The following DCC variants were observed in gnomAD, a reference collection of about 807,000 sequenced individuals.
DCC encodes the protein DCC netrin 1 receptor.
DCC carries 58 observed loss-of-function variants against 172.5 expected under a neutral mutation model. The ratio of observed to expected loss-of-function variants is 0.34; its 90% CI spans 0.27 to 0.42. The LOEUF (loss-of-function observed/expected upper bound fraction) is 0.42, where lower values mean the gene tolerates loss of function less well. DCC is among the 10% of genes least tolerant of loss of function. The pLI is 1.00. For synonymous variants in DCC, 709 were observed against 644.5 expected (o/e 1.10, Z -1.52); for missense variants, 1,740 against 1,791.0 (o/e 0.97, Z 0.51).
intron 15 of DCC, among the ~76,000 whole-genome samples, chr18:53,378,822 A>C (rs1907504434): frequency 6.6e-6 from 1 of 152,236 alleles, no homozygotes; most frequent in Non-Finnish European, 1.5e-5. Flanking sequence ...TGGTATCTGC[A>C]AGACTGATAA....
chr18:52,694,645 T>C (rs2035983289), intron 1 of DCC, among the ~76,000 whole-genome samples: 1 of 151,984 alleles, frequency 6.6e-6, no homozygotes, highest in Non-Finnish European at 1.5e-5. Flanking sequence ...TTGCTGCAGA[T>C]AAAGGGACCA....
At chr18:52,595,635 A>T (rs1218672016) in intron 1 of DCC, among the ~76,000 whole-genome samples, 1 of 152,202 alleles carries the variant, frequency 6.6e-6, no homozygotes, top group African/African-American at 2.4e-5. Context: ...CCCTCAAATG[A>T]AAGTCCTCAG....
intron 1 of DCC, among the ~76,000 whole-genome samples, chr18:52,656,664 G>C (rs919858197): frequency 3.3e-5 from 5 of 152,128 alleles, no homozygotes; most frequent in African/African-American, 1.2e-4. Flanking sequence ...TAGGCTCAAG[G>C]GACATGCTTG....
At chr18:53,509,444 G>T (rs2046223870) in intron 27 of DCC, among the ~76,000 whole-genome samples, 1 of 152,164 alleles carries the variant, frequency 6.6e-6, no homozygotes, top group Non-Finnish European at 1.5e-5. Flanking sequence ...ATTATGAAAA[G>T]GCAGATTTAG....
At chr18:52,921,349 AATATT>A (rs760653841) in intron 3 of DCC, among the ~76,000 whole-genome samples, 24 of 150,942 alleles carry the variant, frequency 1.6e-4, no homozygotes, top group Non-Finnish European at 2.9e-4. Context: ...TTTTAAATAA[AATATT>A]AAATAACCAT....
At chr18:53,209,546 A>C (rs933412151) in intron 11 of DCC, among the ~76,000 whole-genome samples, 1 of 152,218 alleles carries the variant, frequency 6.6e-6, no homozygotes, top group African/African-American at 2.4e-5. Flanking sequence ...ATATCAGTGA[A>C]ATGAGGAAGG....
At chr18:53,138,895 A>G (rs1039311425) in intron 7 of DCC, among the ~76,000 whole-genome samples, 3 of 152,204 alleles carry the variant, frequency 2.0e-5, no homozygotes, top group African/African-American at 7.2e-5. Context: ...TTAGCACGCA[A>G]TATTCACTTT....
At chr18:53,053,913 T>C (rs193065687) in intron 5 of DCC, among the ~76,000 whole-genome samples, 29 of 152,274 alleles carry the variant, frequency 1.9e-4, no homozygotes, top group African/African-American at 6.7e-4. Flanking sequence ...TATGGATATA[T>C]ATTTGTGTGA....
At chr18:53,052,975 T>C (rs1363604857) in intron 5 of DCC, among the ~76,000 whole-genome samples, 1 of 151,964 alleles carries the variant, frequency 6.6e-6, no homozygotes, top group African/African-American at 2.4e-5. Context: ...AAACCGTGTC[T>C]CCACTAAAAA....
rs114741724 is a variant in DCC at position 52,802,972 on chromosome 18, A to G, written c.412+50598A>G. On this transcript the variant is annotated intron_variant, in intron 2 of 28. Transcript: ENST00000442544. ...TTATAAAGAAAACCATAAGGAAGAGAAAATATATTTATTAAAGTACTGATT... is the reference window on the plus strand; with the variant it reads ...TTATAAAGAAAACCATAAGGAAGAGGAAATATATTTATTAAAGTACTGATT... Among the ~76,000 whole-genome samples the G allele has an allele frequency of 5.0e-3, 767 of 152,260 alleles. 3 individuals are homozygous for G. The highest frequency in any genetic ancestry group is 0.017 in the African/African-American group (717 of 41,536).
chr18:52,501,726 T>C (rs748902399), intron 1 of DCC, among the ~76,000 whole-genome samples: 2 of 152,178 alleles, frequency 1.3e-5, no homozygotes, highest in Non-Finnish European at 2.9e-5. Context: ...CTGTATAATA[T>C]ATTGCTGTCA....
intron 12 of DCC, among the ~76,000 whole-genome samples, chr18:53,233,302 A>G (rs973446124): frequency 3.9e-5 from 6 of 152,242 alleles, no homozygotes; most frequent in African/African-American, 1.4e-4. Context: ...GTAATTCACA[A>G]AAATAATTCA....
chr18:53,068,889 G>A (rs1276193135), intron 7 of DCC, among the ~76,000 whole-genome samples: 1 of 151,552 alleles, frequency 6.6e-6, no homozygotes, highest in Non-Finnish European at 1.5e-5. Flanking sequence ...ATACAAACCT[G>A]CCCCCAGTGT....
intron 15 of DCC, among the ~76,000 whole-genome samples, chr18:53,342,127 C>A (rs1003152115): frequency 1.5e-4 from 22 of 151,590 alleles, no homozygotes; most frequent in African/African-American, 5.3e-4. Flanking sequence ...ACTAATAAAC[C>A]CCTTCATCTA....
At chr18:53,089,840 T>C (rs1200453247) in intron 7 of DCC, among the ~76,000 whole-genome samples, 1 of 152,234 alleles carries the variant, frequency 6.6e-6, no homozygotes, top group Non-Finnish European at 1.5e-5. Context: ...TAGTTTAAAA[T>C]CATTTTTATG....
At chr18:52,601,953 C>T (rs17748898) in intron 1 of DCC, among the ~76,000 whole-genome samples, 1 of 151,992 alleles carries the variant, frequency 6.6e-6, no homozygotes, top group Non-Finnish European at 1.5e-5. Context: ...TCACTTCTCT[C>T]ATGCACTAAG....
Position 53,403,490 on chromosome 18 carries a change from G to A in DCC, c.2935+597G>A, listed in dbSNP as rs528471134. Reference sequence around the variant, plus strand: ...CTGATAACATCAATGCCTAATTAAAGCATCCATTAGAAGCCTGTAATGTTA... The same window carrying A: ...CTGATAACATCAATGCCTAATTAAAACATCCATTAGAAGCCTGTAATGTTA... On this transcript the variant is annotated intron_variant, in intron 19 of 28. Coordinates refer to ENST00000442544, the MANE Select transcript of DCC (RefSeq NM_005215.4). Among the ~76,000 whole-genome samples, 7 of 152,234 alleles carry A rather than the reference G, an allele frequency of 4.6e-5. No individual in the cohort carries two copies. The East Asian group carries it at 1.2e-3, about 25-fold the overall frequency.
chr18:53,146,775 A>T (rs2144364860), intron 7 of DCC, among the ~76,000 whole-genome samples: 1 of 152,348 alleles, frequency 6.6e-6, no homozygotes, highest in East Asian at 1.9e-4. Flanking sequence ...AGCAACAAGG[A>T]ATTAAACTTA....
intron 1 of DCC, among the ~76,000 whole-genome samples, chr18:52,602,317 G>A (rs1049649647): frequency 1.3e-5 from 2 of 151,814 alleles, no homozygotes; most frequent in Non-Finnish European, 2.9e-5. Flanking sequence ...AATGTAGATA[G>A]CTGATCATAT....
Sources: allele counts gnomAD v4.1 joint callset (sites outside exome capture counted in the v4.1 genomes callset), GRCh38; gene constraint gnomAD v4.1.1; transcripts MANE v1.5; gene names NCBI Gene and HGNC (gene_info 2026-07-23, HGNC 2026-07-21).